The following AGFG2 variants were observed in gnomAD, a reference collection of about 807,000 sequenced individuals.
AGFG2 encodes arf-GAP domain and FG repeat-containing protein 2.
A neutral mutation model predicts 48.0 loss-of-function variants in AGFG2; 31 were observed. The observed-to-expected ratio is 0.65, with a 90% CI of 0.49 to 0.87. AGFG2 has a LOEUF of 0.87. Among genes scored for constraint, AGFG2 ranks in the 40% least tolerant of loss-of-function variants. AGFG2 has a pLI of 0.00. For missense variants in AGFG2, 599 were observed against 632.6 expected (o/e 0.95, Z 0.57); for synonymous variants, 229 against 260.8 (o/e 0.88, Z 1.18).
At chr7:100,543,836 T>C (rs1260238840) in intron 1 of AGFG2, among the ~76,000 whole-genome samples, 4 of 152,202 alleles carry the variant, frequency 2.6e-5, no homozygotes, top group African/African-American at 7.2e-5. Context: ...ACTGCCACAA[T>C]TGTAGGTCCC....
At position 100,554,229 on chromosome 7, in the gene AGFG2, C is replaced by T. The variant is rs1267875955; in HGVS notation, c.722C>T (p.Pro241Leu). 4 of 1,613,712 alleles carry T rather than the reference C, an allele frequency of 2.5e-6. No individual in the cohort carries two copies. The highest frequency in any genetic ancestry group is 1.1e-5 in the South Asian group (1 of 91,036). ...CCCTTTGCTGCACCCCAGATGGCACCAGCTTTTGCTGCATTCCCTGCCTTT... is the reference window on the plus strand; with the variant it reads ...CCCTTTGCTGCACCCCAGATGGCACTAGCTTTTGCTGCATTCCCTGCCTTT... ...GDPFAAPQMA[P>L]AFAAFPAFGG... is the part of the protein sequence containing the mutation. Residue 241 changes from proline to leucine, a missense_variant, in exon 5 of 12, where the codon CCA (proline) becomes CTA (leucine). Coordinates refer to ENST00000300176, the MANE Select transcript of AGFG2 (RefSeq NM_006076.5).
In AGFG2 at chr7:100,562,658, A is replaced by C. The variant is rs532005562; in HGVS notation, c.1063A>C (p.Ser355Arg). 1.2e-6 allele frequency: 2 copies of C among 1,609,140 alleles called. No individual in the cohort carries two copies. The highest frequency in any genetic ancestry group is 2.2e-5 in the South Asian group (2 of 91,000). Reference sequence around the variant, plus strand: ...TGTCACGATGGGCGGCGGCGGCGGCAGCAGCACAGGGCTGGCCTTTGGAGG... The same window carrying C: ...TGTCACGATGGGCGGCGGCGGCGGCCGCAGCACAGGGCTGGCCTTTGGAGG... ...QSVTMGGGGG[S>R]STGLAFGAFT... Residue 355 changes from serine (S) to arginine (R), a missense_variant, in exon 8 of 12, where the codon AGC (serine) becomes CGC (arginine). Coordinates refer to ENST00000300176, the MANE Select transcript of AGFG2 (RefSeq NM_006076.5). This position sits in a 1 kb window ranked among gnomAD's most constrained non-coding sequence, Gnocchi z 5.4.
chr7:100,550,572 C>G (rs1800611224), intron 3 of AGFG2, 61 bp downstream of exon 3: 4 of 1,343,034 alleles, frequency 3.0e-6, no homozygotes, highest in Non-Finnish European at 1.1e-6. Flanking sequence ...ATCTGACAGT[C>G]CAGTTTCTAG....
Position 100,539,203 on chromosome 7 carries a change from G to A in AGFG2, c.-144G>A. ...AGTGTGCAGGACGGGCAAGGAGGGTGGTGGACGGCGAAGTCTCCTGCGGAT... is the reference window on the plus strand; with the variant it reads ...AGTGTGCAGGACGGGCAAGGAGGGTAGTGGACGGCGAAGTCTCCTGCGGAT... On this transcript the variant is annotated 5_prime_UTR_variant, in exon 1 of 12. Coordinates refer to ENST00000300176, the MANE Select transcript of AGFG2 (RefSeq NM_006076.5). 1 of 755,204 alleles carries A rather than the reference G, an allele frequency of 1.3e-6. No homozygotes were observed. The highest frequency in any genetic ancestry group is 1.8e-6 in the Non-Finnish European group (1 of 541,628). The allele number at this position is 755,204 out of a possible 1,614,324, so 46.8% of individuals were successfully genotyped here.
At position 100,562,201 on chromosome 7, in the gene AGFG2, GC is replaced by G; in HGVS notation, c.878-54del. On this transcript the variant is annotated intron_variant, in intron 6 of 11. Coordinates refer to ENST00000300176, the MANE Select transcript of AGFG2 (RefSeq NM_006076.5). This position sits in a 1 kb window ranked among gnomAD's most constrained non-coding sequence, Gnocchi z 5.4. Reference sequence around the variant, plus strand: ...CACCACCACCTCCATCTGCTCTCCTGCCCCTCCCGCCCTGTCTTACCTCAGC... The same window carrying G: ...CACCACCACCTCCATCTGCTCTCCTGCCCTCCCGCCCTGTCTTACCTCAGC... 1.3e-6 allele frequency: 2 copies of G among 1,581,532 alleles called. No homozygotes were observed. Among genetic ancestry groups the G allele is most frequent in the Non-Finnish European group, 1.7e-6 (2 of 1,159,270 alleles).
intron 6 of AGFG2, among the ~76,000 whole-genome samples, chr7:100,561,919 T>A (rs1446635393): frequency 6.6e-6 from 1 of 152,142 alleles, no homozygotes; most frequent in Non-Finnish European, 1.5e-5. Context: ...AAGGACAGGC[T>A]TTTCCATCTC....
At chr7:100,558,524 G>GT (rs1250174850) in intron 6 of AGFG2, among the ~76,000 whole-genome samples, 3 of 149,994 alleles carry the variant, frequency 2.0e-5, no homozygotes, top group South Asian at 4.2e-4. Context: ...TAAAGACAGA[G>GT]TTTTTTTTGT....
chr7:100,539,245 C>A lies in AGFG2; in HGVS notation c.-102C>A. The A allele has an allele frequency of 8.5e-7, 1 of 1,178,840 alleles. No homozygotes were observed. The highest frequency in any genetic ancestry group is 1.1e-6 in the Non-Finnish European group (1 of 927,612). The allele number at this position is 1,178,840 out of a possible 1,614,324, so 73.0% of individuals were successfully genotyped here. On this transcript the variant is annotated 5_prime_UTR_variant, in exon 1 of 12. Transcript: ENST00000300176. ...CCTGCGGATGCCGCCCGCTCCCGAG[C>A]TTCTGTCAGGGGAGCCGGGCGTGCG...
intron 1 of AGFG2, among the ~76,000 whole-genome samples, chr7:100,541,881 C>T (rs1392693986): frequency 6.6e-6 from 1 of 151,840 alleles, no homozygotes; most frequent in Non-Finnish European, 1.5e-5. Context: ...AATTGAGTAA[C>T]TGGGAAGTGC....
At chr7:100,554,792 G>A (rs1049543966) in intron 5 of AGFG2, among the ~76,000 whole-genome samples, 1 of 151,980 alleles carries the variant, frequency 6.6e-6, no homozygotes, top group Non-Finnish European at 1.5e-5. Context: ...AAAAAAATTA[G>A]CCAAGTGTGG....
At position 100,562,091 on chromosome 7, in the gene AGFG2, C is replaced by T. The variant is rs1302453598; in HGVS notation, c.878-168C>T. Reference sequence around the variant, plus strand: ...CAGAACTCTTGGTGGGAGACAAGACCTCCTGAACTGGGTGGTCCCTGAGAA... The same window carrying T: ...CAGAACTCTTGGTGGGAGACAAGACTTCCTGAACTGGGTGGTCCCTGAGAA... On this transcript the variant is annotated intron_variant, in intron 6 of 11. Transcript: ENST00000300176. This position sits in a 1 kb window ranked among gnomAD's most constrained non-coding sequence, Gnocchi z 5.4. Among the ~76,000 whole-genome samples the T allele has an allele frequency of 6.6e-6, 1 of 151,958 alleles. No individual in the cohort carries two copies. Among genetic ancestry groups the T allele is most frequent in the Non-Finnish European group, 1.5e-5 (1 of 67,974 alleles).
At chr7:100,558,634 C>T (rs910188231) in intron 6 of AGFG2, among the ~76,000 whole-genome samples, 3 of 151,200 alleles carry the variant, frequency 2.0e-5, no homozygotes, top group African/African-American at 4.9e-5. Flanking sequence ...CTCCGCCTCT[C>T]GGGTTCACGC....
At chr7:100,540,641 A>G (rs1282847395) in intron 1 of AGFG2, among the ~76,000 whole-genome samples, 3 of 152,162 alleles carry the variant, frequency 2.0e-5, no homozygotes, top group Non-Finnish European at 4.4e-5. Flanking sequence ...TCTGTTTTTT[A>G]ATAAGTTTGT....
At chr7:100,545,523 G>C (rs890903634) in intron 1 of AGFG2, among the ~76,000 whole-genome samples, 3 of 152,212 alleles carry the variant, frequency 2.0e-5, no homozygotes, top group Non-Finnish European at 2.9e-5. Context: ...AGAAACTGAA[G>C]TGGATAAAGA....
intron 3 of AGFG2, among the ~76,000 whole-genome samples, chr7:100,551,066 A>ATTTTTTTTT (rs1800631293): frequency 2.9e-5 from 2 of 69,712 alleles, no homozygotes; most frequent in African/African-American, 1.3e-4. Context: ...ATATATATAT[A>ATTTTTTTTT]TTTCTTTTTT....
chr7:100,556,868 A>G (rs1296986018), intron 6 of AGFG2, among the ~76,000 whole-genome samples: 1 of 152,096 alleles, frequency 6.6e-6, no homozygotes, highest in Non-Finnish European at 1.5e-5. Context: ...TTTTTATTTT[A>G]TCGTTTTGGA....
At chr7:100,549,947 C>T (rs2131107892) in intron 2 of AGFG2, among the ~76,000 whole-genome samples, 1 of 152,306 alleles carries the variant, frequency 6.6e-6, no homozygotes, top group East Asian at 1.9e-4. Context: ...CCACCTCGGC[C>T]TTTCAAAGTG....
At chr7:100,555,923 CTGCTT>C in intron 6 of AGFG2, 188 bp downstream of exon 6, 1 of 726,476 alleles carries the variant, frequency 1.4e-6, no homozygotes, top group Non-Finnish European at 2.1e-6. Flanking sequence ...CTCTACTGTT[CTGCTT>C]TTTCATGAAA....
At chr7:100,559,844 A>G (rs1800828042) in intron 6 of AGFG2, among the ~76,000 whole-genome samples, 1 of 151,716 alleles carries the variant, frequency 6.6e-6, no homozygotes, top group Admixed American at 6.6e-5. Context: ...AAGTGCATGA[A>G]ATGAAAAGCA....
Sources: gnomAD v4.1 joint callset for allele counts (sites outside exome capture counted in the v4.1 genomes callset) on GRCh38, gnomAD v4.1.1 for gene constraint, Gnocchi (gnomAD v3.1) non-coding constraint, MANE v1.5 for transcripts, NCBI Gene and HGNC (gene_info 2026-07-23, HGNC 2026-07-21) for gene names.